The following SERF2 variants were observed in gnomAD, a reference collection of about 807,000 sequenced individuals.
SERF2 encodes the protein gastric cancer-related protein VRG107.
In SERF2, 4 loss-of-function variants were observed where a neutral mutation model predicts 10.7. The ratio of observed to expected loss-of-function variants is 0.37; its 90% confidence interval spans 0.18 to 0.86. The LOEUF (loss-of-function observed/expected upper bound fraction) is 0.86, where lower values mean the gene tolerates loss of function less well. Ranked by LOEUF, SERF2 falls within the 40% of genes least tolerant of loss-of-function variation. SERF2 has a pLI of 0.43. For synonymous variants in SERF2, 26 were observed against 26.0 expected, an observed-to-expected ratio of 1.00 and a Z score of 0.01; for missense variants, 47 against 79.1, an observed-to-expected ratio of 0.59 and a Z score of 1.54.
upstream of SERF2, among the ~76,000 whole-genome samples, chr15:43,787,938 A>T (rs2141673133): frequency 6.8e-6 from 1 of 146,922 alleles, no homozygotes; most frequent in East Asian, 2.0e-4. Context: ...GCAGTGGTGC[A>T]ATCATGGCTC....
intron 1 of SERF2, among the ~76,000 whole-genome samples, chr15:43,782,317 A>G (rs2086971161): frequency 6.6e-6 from 1 of 152,218 alleles, no homozygotes; most frequent in Admixed American, 6.5e-5. Flanking sequence ...TTCTATTATT[A>G]GGAGTATGTA....
At chr15:43,791,599 G>A (rs551365727), upstream of SERF2, among the ~76,000 whole-genome samples, 15 of 152,336 alleles carry the variant, frequency 9.8e-5, no homozygotes, top group South Asian at 3.1e-3. Context: ...AGCTCCAGAG[G>A]GGAAAAGCGA....
chr15:43,792,842 C>T (rs746365118), intron 1 of SERF2, 133 bp from the exon 2 acceptor site: 29 of 735,232 alleles, frequency 3.9e-5, no homozygotes, highest in South Asian at 3.2e-4. Context: ...CAGCCTGGGC[C>T]TCGATGGGCC....
chr15:43,790,877 C>T (rs984852852), upstream of SERF2, among the ~76,000 whole-genome samples: 1 of 150,494 alleles, frequency 6.6e-6, no homozygotes, highest in African/African-American at 2.4e-5. Context: ...GGTTCTCCGG[C>T]CTCAGCCTCT....
intron 2 of SERF2, 190 bp downstream of exon 2, chr15:43,793,273 G>A (rs1209895836): frequency 5.2e-6 from 3 of 576,028 alleles, no homozygotes; most frequent in Admixed American, 6.2e-5. Flanking sequence ...AGGAAAGGAC[G>A]GGGGCGGGCG....
chr15:43,778,355 C>A (rs1419312566), intron 1 of SERF2, among the ~76,000 whole-genome samples: 1 of 151,804 alleles, frequency 6.6e-6, no homozygotes, highest in South Asian at 2.1e-4. Flanking sequence ...ATATCCTAAT[C>A]TGATAAACAG....
At chr15:43,778,495 C>T (rs942868081) in intron 1 of SERF2, among the ~76,000 whole-genome samples, 1 of 140,242 alleles carries the variant, frequency 7.1e-6, no homozygotes, top group Non-Finnish European at 1.5e-5. Flanking sequence ...GCCATGTTTT[C>T]GCCACTGAAC....
intron 1 of SERF2, chr15:43,777,913 C>A (rs1351605729): frequency 6.6e-6 from 1 of 151,400 alleles, no homozygotes; most frequent in Non-Finnish European, 1.5e-5. Context: ...ACGTCCTCTA[C>A]TACAAATAAA....
At position 43,793,800 on chromosome 15, in the gene SERF2, T is replaced by G; in HGVS notation, c.*27T>G. On this transcript the variant is annotated 3_prime_UTR_variant, in exon 3 of 3. Transcript: ENST00000249786. ...TTTGTGGCTTCGTGTCCAACCCTCTTGCCCTTCGCCTGTGTGCCTGGAGCC... is the reference window on the plus strand; with the variant it reads ...TTTGTGGCTTCGTGTCCAACCCTCTGGCCCTTCGCCTGTGTGCCTGGAGCC... 2 of 1,614,162 alleles carry G rather than the reference T, an allele frequency of 1.2e-6. No homozygotes were observed. Among genetic ancestry groups the G allele is most frequent in the South Asian group, 2.2e-5 (2 of 91,084 alleles).
Position 43,795,933 on chromosome 15 carries a change from TG to T in SERF2, c.*2161del. 1.5e-6 allele frequency: 1 copy of T among 652,694 alleles called. No individual in the cohort carries two copies. The highest frequency in any genetic ancestry group is 2.6e-6 in the Non-Finnish European group (1 of 377,570). 40.4% of individuals were successfully genotyped at this position (652,694 alleles called of 1,614,324 possible). ...TCTTTTGTGCCTCGATTTCTCCATT[TG>T]TAAAATGGAGCAAATACCTACCTCA... On this transcript the variant is annotated 3_prime_UTR_variant, in exon 3 of 3. Coordinates refer to ENST00000249786, the MANE Select transcript of SERF2 (RefSeq NM_001018108.4).
chr15:43,793,830 C>T lies in SERF2; in HGVS notation c.*57C>T, dbSNP rs770557996. ...TTCGCCTGTGTGCCTGGAGCCAGTC[C>T]CACCACGCTCGCGTTTCCTCCTGTA... On this transcript the variant is annotated 3_prime_UTR_variant, in exon 3 of 3. Coordinates refer to ENST00000249786, the MANE Select transcript of SERF2 (RefSeq NM_001018108.4). The T allele has an allele frequency of 9.3e-6, 15 of 1,613,766 alleles. No homozygotes were observed. The highest frequency in any genetic ancestry group is 4.2e-6 in the Non-Finnish European group (5 of 1,180,002).
upstream of SERF2, among the ~76,000 whole-genome samples, chr15:43,789,408 C>T (rs1266334685): frequency 1.3e-5 from 2 of 152,162 alleles, no homozygotes; most frequent in African/African-American, 2.4e-5. Context: ...CTGAAATGTT[C>T]TCCCTGCCCT....
upstream of SERF2, chr15:43,792,018 C>T: frequency 2.3e-6 from 1 of 442,520 alleles, no homozygotes; most frequent in Non-Finnish European, 4.2e-6. Flanking sequence ...CATGAGGTCA[C>T]TCTGCACGGT....
chr15:43,793,648 C>T, intron 2 of SERF2, 62 bp from the exon 3 acceptor site: 1 of 1,613,900 alleles, frequency 6.2e-7, no homozygotes, highest in Non-Finnish European at 8.5e-7. Flanking sequence ...CCCTTCATCC[C>T]CCTGCATCTT....
At chr15:43,792,155 G>T, upstream of SERF2, 1 of 480,362 alleles carries the variant, frequency 2.1e-6, no homozygotes, top group Non-Finnish European at 3.9e-6. Context: ...CCCGCCCCAC[G>T]CTGAGCGCTC....
At chr15:43,792,185 C>G (rs1424735693), upstream of SERF2, 3 of 621,954 alleles carry the variant, frequency 4.8e-6, no homozygotes, top group Non-Finnish European at 8.7e-6. Flanking sequence ...CCCTCCGCCA[C>G]TTACCCACCC....
chr15:43,777,112 G>A (rs1224086672), exon 1 of SERF2: 2 of 772,878 alleles, frequency 2.6e-6, no homozygotes, highest in Non-Finnish European at 4.5e-6. Context: ...CCAACCGCCC[G>A]GACCTCGGCG....
intron 2 of SERF2, among the ~76,000 whole-genome samples, chr15:43,786,396 C>G (rs929189458): frequency 3.2e-5 from 4 of 125,410 alleles, no homozygotes; most frequent in Non-Finnish European, 4.7e-5. Context: ...GCCTGGACCA[C>G]AGAGCAAGAC....
upstream of SERF2, among the ~76,000 whole-genome samples, chr15:43,790,207 G>T (rs2087042311): frequency 6.6e-6 from 1 of 151,626 alleles, no homozygotes; most frequent in Non-Finnish European, 1.5e-5. Flanking sequence ...TACTCGGGAG[G>T]CTGAGAAAGG....
Sources: gnomAD v4.1 joint callset for allele counts (sites outside exome capture counted in the v4.1 genomes callset) on GRCh38, gnomAD v4.1.1 for gene constraint, MANE v1.5 for transcripts, NCBI Gene and HGNC (gene_info 2026-07-23, HGNC 2026-07-21) for gene names.